Variants in YTHDF3 observed in about 807,000 individuals in gnomAD.
YTHDF3 encodes the protein YTH domain-containing family protein 3.
YTHDF3 carries 9 observed loss-of-function variants against 52.5 expected under a neutral mutation model. The ratio of observed to expected loss-of-function variants is 0.17; its 90% CI spans 0.10 to 0.30. The LOEUF (loss-of-function observed/expected upper bound fraction) is 0.30. Among genes scored for constraint, YTHDF3 ranks in the 10% least tolerant of loss-of-function variants. The probability of loss-of-function intolerance (pLI) is 1.00; values close to 1 mark genes in which losing one functional copy is unlikely to be tolerated. For missense variants in YTHDF3, 534 were observed against 715.0 expected (o/e 0.75, Z 2.89); for synonymous variants, 274 against 243.3 (o/e 1.13, Z -1.18).
At chr8:63,180,136 A>G (rs10099778) in intron 3 of YTHDF3, among the ~76,000 whole-genome samples, 150,890 of 150,900 alleles carry the variant, frequency 1, 75,440 homozygotes, top group Middle Eastern at 1. Flanking sequence ...TCACTTCTCA[A>G]ATGGGGTGGC....
rs544817864 is a variant in YTHDF3, at chr8:63,203,651, C to A, written c.1735-6032C>A. ...AATTACAGAGGTTTTCCACATTTTC[C>A]CAGTTTTCTCACTAATGTCTTTTTC... On this transcript the variant is annotated intron_variant, in intron 4 of 4. Transcript: ENST00000539294. Among the ~76,000 whole-genome samples, 25 of 152,174 alleles carry A rather than the reference C, an allele frequency of 1.6e-4. 1 individual carries two copies. In the South Asian group the frequency reaches 5.0e-3, roughly 30 times the overall value.
intron 4 of YTHDF3, among the ~76,000 whole-genome samples, chr8:63,206,024 T>C (rs1810005555): frequency 1.3e-5 from 2 of 152,186 alleles, no homozygotes; most frequent in African/African-American, 4.8e-5. Context: ...AGTTGCCTAT[T>C]TGACATCTTT....
At chr8:63,190,877 A>C (rs923066403) in intron 4 of YTHDF3, among the ~76,000 whole-genome samples, 8 of 152,052 alleles carry the variant, frequency 5.3e-5, no homozygotes, top group Non-Finnish European at 1.2e-4. Context: ...TTCTTTTGTC[A>C]CGTTGCTGCC....
rs74917086 is a variant in YTHDF3, at chr8:63,205,309, C to G, written c.1735-4374C>G. ...TTGTGTAATTCAGGTTTCCTTTATC[C>G]TCAAGTTACTTTCCAACAACATACC... On this transcript the variant is annotated intron_variant, in intron 4 of 4. Transcript: ENST00000539294. Among the ~76,000 whole-genome samples the G allele has an allele frequency of 4.7e-3, 717 of 152,186 alleles. 1 individual carries two copies. Among genetic ancestry groups the G allele is most frequent in the Non-Finnish European group, 6.5e-3 (445 of 68,018 alleles).
At position 63,168,765 on chromosome 8, in the gene YTHDF3, AGCGGCGGCG is replaced by A. The variant is rs1314195672; in HGVS notation, c.-110_-102del. The A allele has an allele frequency of 1.3e-6, 2 of 1,545,216 alleles. No individual in the cohort carries two copies. The highest frequency in any genetic ancestry group is 1.7e-6 in the Non-Finnish European group (2 of 1,143,804). On this transcript the variant is annotated 5_prime_UTR_variant, in exon 1 of 5. Coordinates refer to ENST00000539294, the MANE Select transcript of YTHDF3 (RefSeq NM_152758.6). ...TTTTGGGTTCTCAGCGAACGGCGGC[AGCGGCGGCG>A]GCTGGAACAATCACTCGGCCAAGGG...
Position 63,175,359 on chromosome 8 carries a change from A to G in YTHDF3, c.78A>G (p.Gln26=), listed in dbSNP as rs754427392. 7 of 1,610,828 alleles carry G rather than the reference A, an allele frequency of 4.3e-6. 1 individual carries two copies. The Admixed American group carries it at 8.4e-5, about 19-fold the overall frequency. Reference sequence around the variant, plus strand: ...CAGTACAAAACGGTTCGATTCATCAAAAAGATGCTGTAAATGATGATGATT... The same window carrying G: ...CAGTACAAAACGGTTCGATTCATCAGAAAGATGCTGTAAATGATGATGATT... ...KVSVQNGSIH[Q]KDAVNDDDFE... Residue 26 remains glutamine, a synonymous_variant, in exon 3 of 5, where the codon CAA becomes CAG. Transcript: ENST00000539294.
intron 4 of YTHDF3, among the ~76,000 whole-genome samples, chr8:63,201,074 A>G (rs1433165728): frequency 6.6e-6 from 1 of 152,234 alleles, no homozygotes; most frequent in East Asian, 1.9e-4. Context: ...CAAGGAGCTA[A>G]AGTCTGATAG....
chr8:63,202,278 A>C (rs562442483), intron 4 of YTHDF3, among the ~76,000 whole-genome samples: 20 of 152,278 alleles, frequency 1.3e-4, no homozygotes, highest in African/African-American at 4.8e-4. Flanking sequence ...TTTACAGTGC[A>C]GAATTGGTTT....
intron 4 of YTHDF3, among the ~76,000 whole-genome samples, chr8:63,202,885 C>T (rs147584398): frequency 6.6e-5 from 10 of 152,204 alleles, no homozygotes; most frequent in South Asian, 2.1e-4. Flanking sequence ...TTTCATTCTT[C>T]GTTTATGAAC....
chr8:63,206,537 TATATA>T (rs1191830806), intron 4 of YTHDF3, among the ~76,000 whole-genome samples: 7 of 152,210 alleles, frequency 4.6e-5, no homozygotes, highest in Non-Finnish European at 4.4e-5. Flanking sequence ...TGCTTTCAAA[TATATA>T]CTGAATCCAG....
chr8:63,186,031 TA>T, intron 3 of YTHDF3, 115 bp from the exon 4 acceptor site: 1 of 1,111,718 alleles, frequency 9.0e-7, no homozygotes, highest in Non-Finnish European at 1.3e-6. Context: ...TTATCTAGAA[TA>T]GGTACATCTT....
chr8:63,199,294 G>A (rs1809445182), intron 4 of YTHDF3, among the ~76,000 whole-genome samples: 1 of 152,116 alleles, frequency 6.6e-6, no homozygotes, highest in South Asian at 2.1e-4. Context: ...GGTATATACA[G>A]GGGATTATTC....
In YTHDF3 at chr8:63,175,434, T is replaced by C; in HGVS notation, c.135+18T>C. On this transcript the variant is annotated intron_variant, in intron 3 of 4. Coordinates refer to ENST00000539294, the MANE Select transcript of YTHDF3 (RefSeq NM_152758.6). ...CAAATCAGGTAAGTCTTCTGACAGT[T>C]TCAGATTTTAGGAAATTAACCTTTT... 6.3e-7 allele frequency: 1 copy of C among 1,590,782 alleles called. No individual in the cohort carries two copies. Among genetic ancestry groups the C allele is most frequent in the Non-Finnish European group, 8.6e-7 (1 of 1,163,686 alleles).
In YTHDF3 at chr8:63,211,410, G is replaced by A. The variant is rs1810362878; in HGVS notation, c.*1704G>A. 6.6e-6 allele frequency: 1 copy of A among 152,474 alleles called. No individual in the cohort carries two copies. The highest frequency in any genetic ancestry group is 2.4e-5 in the African/African-American group (1 of 41,424). 9.4% of individuals were successfully genotyped at this position (152,474 alleles called of 1,614,324 possible). A position where few individuals can be genotyped will look rare whatever the true frequency, so the allele number is the denominator to read the frequency against. ...TTTTAAGAGTAAGCCATGAAATCTTGTAACATGTCTCTTAACTATTTATAA... is the reference window on the plus strand; with the variant it reads ...TTTTAAGAGTAAGCCATGAAATCTTATAACATGTCTCTTAACTATTTATAA... On this transcript the variant is annotated 3_prime_UTR_variant, in exon 5 of 5. Coordinates refer to ENST00000539294, the MANE Select transcript of YTHDF3 (RefSeq NM_152758.6).
At chr8:63,184,346 A>G (rs1440178157) in intron 3 of YTHDF3, among the ~76,000 whole-genome samples, 1 of 152,238 alleles carries the variant, frequency 6.6e-6, no homozygotes. Flanking sequence ...TTTACTGGCA[A>G]TAGCCAGTAA....
At chr8:63,202,576 C>A (rs1809709481) in intron 4 of YTHDF3, among the ~76,000 whole-genome samples, 1 of 151,788 alleles carries the variant, frequency 6.6e-6, no homozygotes, top group Non-Finnish European at 1.5e-5. Context: ...ATTCTCCTGT[C>A]CCAGCCTCCC....
At chr8:63,195,298 G>A (rs922533661) in intron 4 of YTHDF3, among the ~76,000 whole-genome samples, 3 of 152,140 alleles carry the variant, frequency 2.0e-5, no homozygotes, top group South Asian at 2.1e-4. Flanking sequence ...CTGTAATTCC[G>A]GGTGTGGAAG....
intron 1 of YTHDF3, chr8:63,169,178 C>T (rs917547712): frequency 2.5e-5 from 35 of 1,389,582 alleles, no homozygotes; most frequent in Non-Finnish European, 3.2e-5. Context: ...GGAGACCGGG[C>T]GAGCTCTGGG....
intron 2 of YTHDF3, chr8:63,172,920 C>T: frequency 1.2e-6 from 1 of 835,514 alleles, no homozygotes; most frequent in East Asian, 3.4e-5. Context: ...AGTAAATATT[C>T]AAAAACGAAA....
Sources: allele counts gnomAD v4.1 joint callset (sites outside exome capture counted in the v4.1 genomes callset), GRCh38; gene constraint gnomAD v4.1.1; transcripts MANE v1.5; gene names NCBI Gene and HGNC (gene_info 2026-07-23, HGNC 2026-07-21).